Variants in MCOLN1 observed in about 807,000 individuals in gnomAD.
MCOLN1 encodes mucolipin TRP cation channel 1.
In MCOLN1, 50 loss-of-function variants were observed where a neutral mutation model predicts 70.3. The observed-to-expected ratio is 0.71, with a 90% CI of 0.57 to 0.90. MCOLN1 has a LOEUF of 0.90. MCOLN1 is among the 40% of genes least tolerant of loss of function. The pLI is 0.00. For synonymous variants in MCOLN1, 366 were observed against 341.0 expected (o/e 1.07, Z -0.81); for missense variants, 598 against 803.5 (o/e 0.74, Z 3.09).
In MCOLN1 at chr19:7,526,815, G is replaced by T; in HGVS notation, c.460G>T (p.Gly154Cys). 1 of 1,614,182 alleles carries T rather than the reference G, an allele frequency of 6.2e-7. No homozygotes were observed. Among genetic ancestry groups the T allele is most frequent in the Middle Eastern group, 1.6e-4 (1 of 6,062 alleles). The change falls in exon 4 of 14, where the codon GGT (glycine) becomes TGT (cysteine). Residue 154 changes from glycine to cysteine, a missense_variant. Gly to Cys is a radical substitution (Grantham distance 159, BLOSUM62 -3). Transcript: ENST00000264079. This position sits in a 1 kb window ranked among gnomAD's most constrained non-coding sequence, Gnocchi z 4.6. Reference sequence around the variant, plus strand: ...CCGGTATGCGTATGTCCGTGGTGGGGGTGACCCTTGGACCAATGGCTCAGG... The same window carrying T: ...CCGGTATGCGTATGTCCGTGGTGGGTGTGACCCTTGGACCAATGGCTCAGG... ...LGRYAYVRGG[G>C]DPWTNGSGLA...
chr19:7,527,662 G>A (rs377745876), intron 5 of MCOLN1, 34 bp downstream of exon 5: 7 of 1,463,208 alleles, frequency 4.8e-6, no homozygotes, highest in Non-Finnish European at 6.7e-6. Flanking sequence ...GGCCCAGGGT[G>A]GGGGAGGCAG....
Position 7,526,735 on chromosome 19 carries a change from C to G in MCOLN1, c.406-26C>G, listed in dbSNP as rs754911755. 4 of 1,612,516 alleles carry G rather than the reference C, an allele frequency of 2.5e-6. 1 individual carries two copies. The highest frequency in any genetic ancestry group is 1.3e-5 in the African/African-American group (1 of 74,984). On this transcript the variant is annotated intron_variant, in intron 3 of 13. Coordinates refer to ENST00000264079, the MANE Select transcript of MCOLN1 (RefSeq NM_020533.3). The surrounding 1 kb of genome is among the most constrained non-coding windows in gnomAD (Gnocchi z 4.6). Reference sequence around the variant, plus strand: ...GGCTGCAGAGAGCGGGCCGGACTCACAGGCCCTCCCCTTCTCTGCCCACAG... The same window carrying G: ...GGCTGCAGAGAGCGGGCCGGACTCAGAGGCCCTCCCCTTCTCTGCCCACAG...
intron 10 of MCOLN1, 72 bp from the exon 11 acceptor site, chr19:7,529,518 C>CCCCA: frequency 2.2e-6 from 3 of 1,352,500 alleles, no homozygotes; most frequent in East Asian, 2.5e-5. Context: ...CCCTCCCACC[C>CCCCA]CCATCTGGGT....
Position 7,525,241 on chromosome 19 carries a change from C to G in MCOLN1, c.237+75C>G. 7.0e-7 allele frequency: 1 copy of G among 1,426,694 alleles called. No homozygotes were observed. Among genetic ancestry groups the G allele is most frequent in the South Asian group, 1.2e-5 (1 of 86,322 alleles). 88.4% of individuals were successfully genotyped at this position (1,426,694 alleles called of 1,614,324 possible). Reference sequence around the variant, plus strand: ...GTGCTCCTTGAAGAGAGTCTTAAAGCAGCACTTTGGAAGGCCGAGGCCGGT... The same window carrying G: ...GTGCTCCTTGAAGAGAGTCTTAAAGGAGCACTTTGGAAGGCCGAGGCCGGT... On this transcript the variant is annotated intron_variant, in intron 2 of 13. Coordinates refer to ENST00000264079, the MANE Select transcript of MCOLN1 (RefSeq NM_020533.3). This position sits in a 1 kb window ranked among gnomAD's most constrained non-coding sequence, Gnocchi z 4.2.
At chr19:7,529,505 C>CCCCCCCCCCCCCCCCCCAAGGGTG in intron 10 of MCOLN1, 85 bp from the exon 11 acceptor site, 1 of 755,744 alleles carries the variant, frequency 1.3e-6, no homozygotes, top group Non-Finnish European at 2.3e-6. Context: ...GGCAAGGCCC[C>CCCCCCCCCCCCCCCCCCAAGGGTG]GCCCCTCCCA....
Position 7,528,365 on chromosome 19 carries a change from C to A in MCOLN1, c.877+108C>A. 8.8e-7 allele frequency: 1 copy of A among 1,130,086 alleles called. No homozygotes were observed. Among genetic ancestry groups the A allele is most frequent in the Non-Finnish European group, 1.3e-6 (1 of 760,242 alleles). The allele number at this position is 1,130,086 out of a possible 1,614,324, so 70.0% of individuals were successfully genotyped here. A position where few individuals can be genotyped will look rare whatever the true frequency, so the allele number is the denominator to read the frequency against. ...TGGGGGCCGTGACCTCCCCAGGAAT[C>A]CGCTGAGCCTCAGATCAGCACAGAC... On this transcript the variant is annotated intron_variant, in intron 7 of 13. Coordinates refer to ENST00000264079, the MANE Select transcript of MCOLN1 (RefSeq NM_020533.3). The surrounding 1 kb of genome is among the most constrained non-coding windows in gnomAD (Gnocchi z 4.2).
rs1397300164 is a variant in MCOLN1 at position 7,528,535 on chromosome 19, C to T, written c.878-62C>T. The T allele has an allele frequency of 6.2e-7, 1 of 1,606,462 alleles. No individual in the cohort carries two copies. Among genetic ancestry groups the T allele is most frequent in the African/African-American group, 1.3e-5 (1 of 74,748 alleles). On this transcript the variant is annotated intron_variant, in intron 7 of 13. Transcript: ENST00000264079. This position sits in a 1 kb window ranked among gnomAD's most constrained non-coding sequence, Gnocchi z 4.2. Reference sequence around the variant, plus strand: ...CTAGGTCTCCAGCCTGGCCTGGCACCAATGCTAGCCTCCCAAGGCTCCATG... The same window carrying T: ...CTAGGTCTCCAGCCTGGCCTGGCACTAATGCTAGCCTCCCAAGGCTCCATG...
At chr19:7,529,838 C>G in intron 11 of MCOLN1, 126 bp downstream of exon 11, 1 of 1,128,762 alleles carries the variant, frequency 8.9e-7, no homozygotes, top group Non-Finnish European at 1.3e-6. Flanking sequence ...CTTGGTGACC[C>G]TGACACTGAC....
At chr19:7,533,440 A>G in intron 12 of MCOLN1, 83 bp from the exon 13 acceptor site, 1 of 1,578,758 alleles carries the variant, frequency 6.3e-7, no homozygotes, top group Non-Finnish European at 8.6e-7. Context: ...CGATGCAGAT[A>G]TGGCTGGAGG....
At position 7,527,642 on chromosome 19, in the gene MCOLN1, A is replaced by T. The variant is rs151281315; in HGVS notation, c.680+14A>T. 1.3e-3 allele frequency: 2,045 copies of T among 1,564,864 alleles called. 23 individuals carry two copies. In the African/African-American group the frequency reaches 0.024, roughly 18 times the overall value. On this transcript the variant is annotated intron_variant, in intron 5 of 13. Transcript: ENST00000264079. ...CAAATTCCACAAGTACTGCCTGCTC[A>T]CTCGAGGGGGGCCCAGGGTGGGGGA...
chr19:7,528,855 G>A lies in MCOLN1; in HGVS notation c.1019G>A (p.Arg340Gln), dbSNP rs200083718. Residue 340 changes from arginine (R) to glutamine (Q), a missense_variant, in exon 9 of 14, where the codon CGG (arginine) becomes CAG (glutamine). Physicochemically the swap from Arg to Gln is conservative, Grantham distance 43. Around this residue, in one of 3 missense-constraint regions of MCOLN1, gnomAD observed 461 missense variants for 588.4 expected, o/e 0.78. Coordinates refer to ENST00000264079, the MANE Select transcript of MCOLN1 (RefSeq NM_020533.3). The surrounding 1 kb of genome is among the most constrained non-coding windows in gnomAD (Gnocchi z 4.2). The stretch of plus-strand genomic sequence containing the variant: ...GGGTTCATGTGGCGGCAGCGGGGAC[G>A]GGTCATCAGCCTGTGGGAGCGGCTG... ...FVGFMWRQRGRVISLWERLEF... is the reference protein window; with the variant it reads ...FVGFMWRQRGQVISLWERLEF... 1.6e-5 allele frequency: 26 copies of A among 1,614,212 alleles called. No homozygotes were observed. The highest frequency in any genetic ancestry group is 6.7e-5 in the East Asian group (3 of 44,880).
chr19:7,527,639 C>T lies in MCOLN1; in HGVS notation c.680+11C>T. ...GCTCAAATTCCACAAGTACTGCCTG[C>T]TCACTCGAGGGGGGCCCAGGGTGGG... On this transcript the variant is annotated intron_variant, in intron 5 of 13. Coordinates refer to ENST00000264079, the MANE Select transcript of MCOLN1 (RefSeq NM_020533.3). The T allele has an allele frequency of 6.3e-7, 1 of 1,577,450 alleles. No individual in the cohort carries two copies. The highest frequency in any genetic ancestry group is 8.7e-7 in the Non-Finnish European group (1 of 1,146,484).
At chr19:7,527,327 C>T (rs1039072765) in intron 4 of MCOLN1, among the ~76,000 whole-genome samples, 193 bp from the exon 5 acceptor site, 2 of 150,836 alleles carry the variant, frequency 1.3e-5, no homozygotes, top group African/African-American at 4.9e-5. Flanking sequence ...TGACTCTTGC[C>T]ACGTAGAAAG....
At chr19:7,532,542 C>G (rs2146027886) in intron 12 of MCOLN1, among the ~76,000 whole-genome samples, 1 of 152,132 alleles carries the variant, frequency 6.6e-6, no homozygotes, top group Non-Finnish European at 1.5e-5. Flanking sequence ...TGGCAAAACC[C>G]CATCTCTACT....
chr19:7,525,409 G>A lies in MCOLN1; in HGVS notation c.237+243G>A, dbSNP rs1324657941. ...CTTGGCAGGCTGAGGCAGGAGAATC[G>A]CTTGAATTGGGAGGCGGAGGTTGCC... On this transcript the variant is annotated intron_variant, in intron 2 of 13. Transcript: ENST00000264079. The surrounding 1 kb of genome is among the most constrained non-coding windows in gnomAD (Gnocchi z 4.2). 6.5e-6 allele frequency: 3 copies of A among 459,174 alleles called. No homozygotes were observed. The highest frequency in any genetic ancestry group is 1.2e-5 in the Non-Finnish European group (3 of 246,688). The allele number at this position is 459,174 out of a possible 1,614,324, so 28.4% of individuals were successfully genotyped here. A position where few individuals can be genotyped will look rare whatever the true frequency, so the allele number is the denominator to read the frequency against.
intron 12 of MCOLN1, 62 bp downstream of exon 12, chr19:7,530,563 G>T: frequency 6.9e-7 from 1 of 1,443,226 alleles, no homozygotes; most frequent in Non-Finnish European, 9.7e-7. Flanking sequence ...TGCCATGAGG[G>T]GGTCTTGGGG....
Position 7,528,170 on chromosome 19 carries a change from A to C in MCOLN1, c.790A>C (p.Asn264His), listed in dbSNP as rs776190322. 2 of 1,613,988 alleles carry C rather than the reference A, an allele frequency of 1.2e-6. No individual in the cohort carries two copies. The highest frequency in any genetic ancestry group is 2.7e-5 in the African/African-American group (2 of 74,900). ...YTFSVLITFD[N>H]KAHSGRIPIS... is the part of the protein sequence containing the mutation. ...CTGGCCCCCACAGATCACGTTTGAC[A>C]ACAAAGCACACAGTGGGCGGATCCC... is the stretch of plus-strand genomic sequence containing the variant. The change falls in exon 7 of 14, where the codon AAC (asparagine) becomes CAC (histidine). Residue 264 changes from asparagine (N) to histidine (H), a missense_variant. Transcript: ENST00000264079. This position sits in a 1 kb window ranked among gnomAD's most constrained non-coding sequence, Gnocchi z 4.2.
In MCOLN1 at chr19:7,529,616, C is replaced by G; in HGVS notation, c.1263C>G (p.Ala421=). 6.2e-7 allele frequency: 1 copy of G among 1,612,290 alleles called. No individual in the cohort carries two copies. The highest frequency in any genetic ancestry group is 1.7e-4 in the Middle Eastern group (1 of 6,048). The change falls in exon 11 of 14, where the codon GCC becomes GCG. Residue 421 remains alanine, a synonymous_variant. Coordinates refer to ENST00000264079, the MANE Select transcript of MCOLN1 (RefSeq NM_020533.3). ...TCCTCATCGCCACACTGCGGGTGGC[C>G]CTGCCCAGCGTCATGCGCTTCTGCT... ...YNILIATLRV[A]LPSVMRFCCC...
chr19:7,526,400 C>G lies in MCOLN1; in HGVS notation c.238-39C>G. ...CCCTGAGGGAGATACACCCCAACCC[C>G]CATCCTAGCCATGCCAACCTCTACT... is the stretch of plus-strand genomic sequence containing the variant. On this transcript the variant is annotated intron_variant, in intron 2 of 13. Coordinates refer to ENST00000264079, the MANE Select transcript of MCOLN1 (RefSeq NM_020533.3). The surrounding 1 kb of genome is among the most constrained non-coding windows in gnomAD (Gnocchi z 4.6). The G allele has an allele frequency of 6.2e-7, 1 of 1,613,498 alleles. No homozygotes were observed. Among genetic ancestry groups the G allele is most frequent in the South Asian group, 1.1e-5 (1 of 91,062 alleles).
Sources: allele counts gnomAD v4.1 joint callset (sites outside exome capture counted in the v4.1 genomes callset), GRCh38; gene constraint gnomAD v4.1.1; regional missense constraint gnomAD v4.1.1; non-coding constraint Gnocchi (gnomAD v3.1); transcripts MANE v1.5; gene names NCBI Gene and HGNC (gene_info 2026-07-23, HGNC 2026-07-21).